Variants in SEC14L1 observed in about 807,000 individuals in gnomAD.
SEC14L1 encodes SEC14-like protein 1.
In SEC14L1, 48 loss-of-function variants were observed where a neutral mutation model predicts 85.3. The observed-to-expected ratio is 0.56, with a 90% confidence interval of 0.45 to 0.72. The LOEUF (loss-of-function observed/expected upper bound fraction) is 0.72. SEC14L1 is among the 30% of genes least tolerant of loss of function. SEC14L1 has a pLI of 0.00. For missense variants in SEC14L1, 682 were observed against 921.4 expected (o/e 0.74, Z 3.36); for synonymous variants, 391 against 355.5 (o/e 1.10, Z -1.12).
chr17:77,163,201 T>A (rs1598327140), intron 3 of SEC14L1, among the ~76,000 whole-genome samples: 1 of 152,154 alleles, frequency 6.6e-6, no homozygotes, highest in African/African-American at 2.4e-5. Flanking sequence ...AAATCGATGA[T>A]ACGAATTGGA....
At chr17:77,119,856 A>G (rs781525857) in intron 3 of SEC14L1, among the ~76,000 whole-genome samples, 8 of 152,166 alleles carry the variant, frequency 5.3e-5, no homozygotes, top group Non-Finnish European at 1.2e-4. Context: ...ACCTTCGCAA[A>G]TACATTCTGA....
intron 3 of SEC14L1, among the ~76,000 whole-genome samples, chr17:77,164,029 T>C (rs1263772725): frequency 6.6e-6 from 1 of 152,236 alleles, no homozygotes; most frequent in Non-Finnish European, 1.5e-5. Context: ...GAACAACATT[T>C]AGAGAGTGCT....
At chr17:77,140,727 T>C (rs560134990), upstream of SEC14L1, 1 of 149,554 alleles carries the variant, frequency 6.7e-6, no homozygotes. Flanking sequence ...CTCGGGCACA[T>C]CCAGCAGTGC....
At position 77,215,301 on chromosome 17, in the gene SEC14L1, C is replaced by T. The variant is rs1156321089; in HGVS notation, c.*1278C>T. ...TGGGAAAAGCAGGTTATTTGAGAAT[C>T]TGTCCAGAAGTTGCATAGGGGATGG... On this transcript the variant is annotated 3_prime_UTR_variant, in exon 17 of 17. Coordinates refer to ENST00000436233, the MANE Select transcript of SEC14L1 (RefSeq NM_001143998.2). 4.0e-5 allele frequency: 39 copies of T among 985,248 alleles called. No individual in the cohort carries two copies. The highest frequency in any genetic ancestry group is 6.2e-5 in the Admixed American group (1 of 16,260). The allele number at this position is 985,248 out of a possible 1,614,324, so 61.0% of individuals were successfully genotyped here.
chr17:77,183,498 G>A (rs542957522), intron 3 of SEC14L1, among the ~76,000 whole-genome samples: 2 of 152,158 alleles, frequency 1.3e-5, no homozygotes, highest in Non-Finnish European at 2.9e-5. Context: ...GCAAAGAATC[G>A]TGCACCTGTG....
chr17:77,206,106 T>C lies in SEC14L1; in HGVS notation c.1170-123T>C, dbSNP rs1202787227. The stretch of plus-strand genomic sequence containing the variant: ...CATAGCACTATACATAGCACTATAA[T>C]TTAAAAAAATTGATTATGATGTATT... On this transcript the variant is annotated intron_variant, in intron 11 of 16. Coordinates refer to ENST00000436233, the MANE Select transcript of SEC14L1 (RefSeq NM_001143998.2). The surrounding 1 kb of genome is among the most constrained non-coding windows in gnomAD (Gnocchi z 4.3). The C allele has an allele frequency of 1.1e-6, 1 of 945,722 alleles. No homozygotes were observed. The highest frequency in any genetic ancestry group is 1.6e-6 in the Non-Finnish European group (1 of 637,296). The allele number at this position is 945,722 out of a possible 1,614,324, so 58.6% of individuals were successfully genotyped here.
rs916168842 is a variant in SEC14L1 at position 77,110,747 on chromosome 17, G to A, written c.-136+17400G>A. Among the ~76,000 whole-genome samples the A allele has an allele frequency of 1.1e-4, 16 of 151,978 alleles. No homozygotes were observed. In the South Asian group the frequency reaches 1.7e-3, roughly 16 times the overall value. On this transcript the variant is annotated intron_variant, in intron 3 of 19. Transcript: ENST00000392476. ...AAAATACAAAAAATTAACTGGGCGT[G>A]TTGGCAGGCACCTGTAGTCCCAGCT... is the stretch of plus-strand genomic sequence containing the variant.
intron 15 of SEC14L1, among the ~76,000 whole-genome samples, chr17:77,212,511 C>G (rs1370075548): frequency 6.6e-6 from 1 of 152,130 alleles, no homozygotes; most frequent in Non-Finnish European, 1.5e-5. Flanking sequence ...CTCATTTCAC[C>G]GGGTTGTGTT....
At chr17:77,161,712 CTTT>C (rs763767954) in intron 3 of SEC14L1, among the ~76,000 whole-genome samples, 17 of 103,046 alleles carry the variant, frequency 1.6e-4, no homozygotes, top group African/African-American at 4.8e-4. Context: ...TAAATTGGTT[CTTT>C]TTTTTTTTTT....
intron 11 of SEC14L1, 52 bp downstream of exon 11, chr17:77,205,398 A>G (rs1377382662): frequency 1.4e-6 from 2 of 1,465,324 alleles, no homozygotes; most frequent in East Asian, 2.3e-5. Context: ...AACGAATTAA[A>G]TATTTCTAGT....
intron 3 of SEC14L1, among the ~76,000 whole-genome samples, chr17:77,175,966 C>T (rs931242002): frequency 1.3e-5 from 2 of 152,064 alleles, no homozygotes; most frequent in Admixed American, 6.6e-5. Flanking sequence ...AGTGAAGACA[C>T]CACTCAAAGG....
chr17:77,185,580 G>C (rs1975230677), intron 3 of SEC14L1, among the ~76,000 whole-genome samples: 1 of 152,194 alleles, frequency 6.6e-6, no homozygotes, highest in South Asian at 2.1e-4. Context: ...CTACCTCTTA[G>C]TAAGTGCTTA....
intron 6 of SEC14L1, 58 bp downstream of exon 6, chr17:77,193,607 T>C: frequency 1.3e-5 from 20 of 1,547,562 alleles, no homozygotes; most frequent in Non-Finnish European, 1.8e-5. Context: ...GAGATGACCA[T>C]CTTTTTGGAA....
At chr17:77,154,045 A>G (rs902385897) in intron 3 of SEC14L1, among the ~76,000 whole-genome samples, 2 of 152,248 alleles carry the variant, frequency 1.3e-5, no homozygotes, top group East Asian at 1.9e-4. Flanking sequence ...CCAACCGTGG[A>G]TCAGAAATGT....
intron 3 of SEC14L1, among the ~76,000 whole-genome samples, chr17:77,107,141 G>A (rs1261267236): frequency 6.6e-6 from 1 of 152,110 alleles, no homozygotes; most frequent in Non-Finnish European, 1.5e-5. Context: ...AATTTATTCA[G>A]CCAACCACCG....
At chr17:77,100,639 G>A (rs1971757564) in intron 3 of SEC14L1, among the ~76,000 whole-genome samples, 2 of 151,694 alleles carry the variant, frequency 1.3e-5, no homozygotes, top group Admixed American at 1.3e-4. Flanking sequence ...GTTTCACCAT[G>A]TTGGTCAGGC....
chr17:77,206,088 C>G lies in SEC14L1; in HGVS notation c.1170-141C>G. ...GTAGATATAAACAGGGTTCATAGCA[C>G]TATACATAGCACTATAATTTAAAAA... On this transcript the variant is annotated intron_variant, in intron 11 of 16. Transcript: ENST00000436233. The surrounding 1 kb of genome is among the most constrained non-coding windows in gnomAD (Gnocchi z 4.3). The G allele has an allele frequency of 1.3e-6, 1 of 774,152 alleles. No homozygotes were observed. The highest frequency in any genetic ancestry group is 2.0e-6 in the Non-Finnish European group (1 of 491,792). The allele number at this position is 774,152 out of a possible 1,614,324, so 48.0% of individuals were successfully genotyped here.
At chr17:77,121,552 T>C (rs942722919) in intron 3 of SEC14L1, among the ~76,000 whole-genome samples, 3 of 152,036 alleles carry the variant, frequency 2.0e-5, no homozygotes, top group Admixed American at 2.0e-4. Flanking sequence ...AGAGACAGGG[T>C]TTCACCATGT....
At chr17:77,158,922 G>T (rs1209900699) in intron 3 of SEC14L1, among the ~76,000 whole-genome samples, 1 of 134,202 alleles carries the variant, frequency 7.5e-6, no homozygotes, top group Non-Finnish European at 1.6e-5. Flanking sequence ...AGCAATTCTC[G>T]TGCCTCCCAA....
Sources: allele counts gnomAD v4.1 joint callset (sites outside exome capture counted in the v4.1 genomes callset), GRCh38; gene constraint gnomAD v4.1.1; non-coding constraint Gnocchi (gnomAD v3.1); transcripts MANE v1.5; gene names NCBI Gene and HGNC (gene_info 2026-07-23, HGNC 2026-07-21).